The following RETREG2 variants were observed in gnomAD, a reference collection of about 807,000 sequenced individuals.
RETREG2 encodes reticulophagy regulator 2.
Under a neutral mutation model 51.6 loss-of-function variants are expected in RETREG2, and 21 were observed. The observed-to-expected ratio is 0.41, with a 90% CI of 0.29 to 0.59. RETREG2 has a LOEUF of 0.59. Ranked by LOEUF, RETREG2 falls within the 20% of genes least tolerant of loss-of-function variation. The pLI, the probability that RETREG2 is intolerant of heterozygous loss-of-function variation, is 0.34. For synonymous variants in RETREG2, 339 were observed against 288.6 expected (o/e 1.17, Z -1.77); for missense variants, 674 against 646.0 (o/e 1.04, Z -0.47).
Position 219,182,249 on chromosome 2 carries a change from C to T in RETREG2, c.1252C>T (p.Pro418Ser), listed in dbSNP as rs768409019. The T allele has an allele frequency of 2.5e-5, 40 of 1,614,030 alleles. No homozygotes were observed. The Middle Eastern group carries it at 1.6e-3, about 66-fold the overall frequency. ...CACGCACTTCAATGGGGCAGGGTCC[C>T]CCCCAGATGGAGTGAAATGCTCCCC... Reference protein sequence around the residue: ...VNTHFNGAGSPPDGVKCSPGG... With the variant: ...VNTHFNGAGSSPDGVKCSPGG... The change falls in exon 9 of 9, where the codon CCC becomes TCC. Residue 418 changes from proline (P) to serine (S), a missense_variant. By Grantham distance (74) the Pro-to-Ser change is moderately conservative. Coordinates refer to ENST00000430297, the MANE Select transcript of RETREG2 (RefSeq NM_024293.6).
At position 219,182,202 on chromosome 2, in the gene RETREG2, C is replaced by T; in HGVS notation, c.1205C>T (p.Ser402Leu). The T allele has an allele frequency of 6.2e-7, 1 of 1,614,168 alleles. No individual in the cohort carries two copies. The highest frequency in any genetic ancestry group is 8.5e-7 in the Non-Finnish European group (1 of 1,180,020). Residue 402 changes from serine (S) to leucine (L), a missense_variant, in exon 9 of 9, where the codon TCA becomes TTA. Physicochemically the swap from Ser to Leu is moderately radical, Grantham distance 145. Coordinates refer to ENST00000430297, the MANE Select transcript of RETREG2 (RefSeq NM_024293.6). Reference protein sequence around the residue: ...VAAKETLLRLSSPLHFVNTHF... With the variant: ...VAAKETLLRLLSPLHFVNTHF... ...GCTAAGGAAACCTTGTTGCGGCTCT[C>T]ATCCCCCCTCCACTTTGTGAACACG...
chr2:219,182,782 C>T lies in RETREG2; in HGVS notation c.*153C>T, dbSNP rs1231036245. The T allele has an allele frequency of 4.9e-6, 4 of 810,670 alleles. No individual in the cohort carries two copies. The highest frequency in any genetic ancestry group is 5.8e-6 in the Non-Finnish European group (3 of 519,104). The allele number at this position is 810,670 out of a possible 1,614,324, so 50.2% of individuals were successfully genotyped here. On this transcript the variant is annotated 3_prime_UTR_variant, in exon 9 of 9. Coordinates refer to ENST00000430297, the MANE Select transcript of RETREG2 (RefSeq NM_024293.6). ...ATTCCACCCTCTGCCTGCCTGCCTG[C>T]CTGCTGTCCTGGGCATGGTGCAGTA... is the stretch of plus-strand genomic sequence containing the variant.
In RETREG2 at chr2:219,183,282, C is replaced by G. The variant is rs943401843; in HGVS notation, c.*653C>G. On this transcript the variant is annotated 3_prime_UTR_variant, in exon 9 of 9. Transcript: ENST00000430297. The stretch of plus-strand genomic sequence containing the variant: ...CACTGCATCCTTGCCCCATTCAGCC[C>G]GGCCTTTCATGATGCAGGAGAGCAG... 6.5e-6 allele frequency: 1 copy of G among 153,112 alleles called. No individual in the cohort carries two copies. Among genetic ancestry groups the G allele is most frequent in the Non-Finnish European group, 1.5e-5 (1 of 68,552 alleles). 9.5% of individuals were successfully genotyped at this position (153,112 alleles called of 1,614,324 possible).
intron 3 of RETREG2, 127 bp downstream of exon 3, chr2:219,179,890 C>G (rs575376638): frequency 1.4e-5 from 18 of 1,245,652 alleles, no homozygotes; most frequent in Non-Finnish European, 2.0e-5. Context: ...ATGGGTTTTT[C>G]ATGGTCCTAG....
chr2:219,179,086 G>C, intron 2 of RETREG2, 58 bp downstream of exon 2: 1 of 1,307,556 alleles, frequency 7.6e-7, no homozygotes, highest in Non-Finnish European at 1.1e-6. Context: ...GCCTGATTCC[G>C]CTGGGTGGGG....
At chr2:219,181,013 C>G (rs776492668) in intron 5 of RETREG2, 49 bp from the exon 6 acceptor site, 29 of 1,606,602 alleles carry the variant, frequency 1.8e-5, no homozygotes, top group Non-Finnish European at 2.2e-5. Context: ...AATGGGGGCT[C>G]TTAGGAAATT....
chr2:219,182,140 A>C lies in RETREG2; in HGVS notation c.1143A>C (p.Gln381His), dbSNP rs749345072. 6.2e-7 allele frequency: 1 copy of C among 1,613,956 alleles called. No individual in the cohort carries two copies. Among genetic ancestry groups the C allele is most frequent in the East Asian group, 2.2e-5 (1 of 44,894 alleles). The change falls in exon 9 of 9, where the codon CAA (glutamine) becomes CAC (histidine). Residue 381 changes from glutamine to histidine, a missense_variant. Coordinates refer to ENST00000430297, the MANE Select transcript of RETREG2 (RefSeq NM_024293.6). ...GCCGTCCTCAAGCTCTGTCAAGGCA[A>C]GCCCTGGACTCGGAGGAAGAGGAAG... ...LLGRPQALSRQALDSEEEEED... is the reference protein window; with the variant it reads ...LLGRPQALSRHALDSEEEEED...
chr2:219,181,427 T>A lies in RETREG2; in HGVS notation c.843T>A (p.Ser281Arg), dbSNP rs777592352. The change falls in exon 7 of 9, where the codon AGT (serine) becomes AGA (arginine). Residue 281 changes from serine (S) to arginine (R), a missense_variant. Coordinates refer to ENST00000430297, the MANE Select transcript of RETREG2 (RefSeq NM_024293.6). ...GGDEPLAETE[S>R]ESEAELAGFS... Reference sequence around the variant, plus strand: ...ATGAGCCACTGGCAGAGACAGAGAGTGAAAGCGAGGCAGAGCTGGCTGGCT... The same window carrying A: ...ATGAGCCACTGGCAGAGACAGAGAGAGAAAGCGAGGCAGAGCTGGCTGGCT... The A allele has an allele frequency of 6.2e-7, 1 of 1,613,584 alleles. No individual in the cohort carries two copies.
At chr2:219,180,562 C>T (rs1950263576) in intron 4 of RETREG2, 108 bp from the exon 5 acceptor site, 15 of 1,579,876 alleles carry the variant, frequency 9.5e-6, no homozygotes, top group African/African-American at 1.3e-5. Context: ...CCACCCCATT[C>T]CTTGAGTACA....
chr2:219,181,114 G>T lies in RETREG2; in HGVS notation c.693G>T (p.Arg231Ser). Reference sequence around the variant, plus strand: ...TGGTTTATCATGAGCTGATCCAGAGGATGTACACTCGCCTGGAGCCCCTGC... The same window carrying T: ...TGGTTTATCATGAGCTGATCCAGAGTATGTACACTCGCCTGGAGCCCCTGC... ...PLVVYHELIQ[R>S]MYTRLEPLLM... The change falls in exon 6 of 9, where the codon AGG becomes AGT. Residue 231 changes from arginine to serine, a missense_variant. Coordinates refer to ENST00000430297, the MANE Select transcript of RETREG2 (RefSeq NM_024293.6). 1 of 1,614,172 alleles carries T rather than the reference G, an allele frequency of 6.2e-7. No individual in the cohort carries two copies. Among genetic ancestry groups the T allele is most frequent in the South Asian group, 1.1e-5 (1 of 91,082 alleles).
rs780347734 is a variant in RETREG2 at position 219,180,772 on chromosome 2, C to G, written c.640+18C>G. On this transcript the variant is annotated intron_variant, in intron 5 of 8. Coordinates refer to ENST00000430297, the MANE Select transcript of RETREG2 (RefSeq NM_024293.6). ...CATTGTCTGTGAGTAGGGTCTGTCC[C>G]TGCCCTATTTAAAGCCCTCTCCTTT... The G allele has an allele frequency of 6.2e-7, 1 of 1,613,526 alleles. No homozygotes were observed. The highest frequency in any genetic ancestry group is 1.1e-5 in the South Asian group (1 of 91,062).
Position 219,181,998 on chromosome 2 carries a change from T to C in RETREG2, c.1016-15T>C, listed in dbSNP as rs766034012. On this transcript the variant is annotated splice_polypyrimidine_tract_variant and intron_variant, in intron 8 of 8. Coordinates refer to ENST00000430297, the MANE Select transcript of RETREG2 (RefSeq NM_024293.6). Reference sequence around the variant, plus strand: ...CAGCAGCAGGCCCATTCTTAATTCTTTGTTCTCTGCACAGATTTGGACCAG... The same window carrying C: ...CAGCAGCAGGCCCATTCTTAATTCTCTGTTCTCTGCACAGATTTGGACCAG... 5 of 1,609,754 alleles carry C rather than the reference T, an allele frequency of 3.1e-6. No homozygotes were observed. The South Asian group carries it at 5.5e-5, about 18-fold the overall frequency.
intron 3 of RETREG2, 152 bp downstream of exon 3, chr2:219,179,915 G>GT: frequency 2.6e-6 from 3 of 1,138,430 alleles, no homozygotes; most frequent in Non-Finnish European, 3.9e-6. Context: ...CTGTGTAGGT[G>GT]TTTGCGTGCC....
rs771372695 is a variant in RETREG2, at chr2:219,180,251, C to T, written c.555+6C>T. 2 of 1,614,040 alleles carry T rather than the reference C, an allele frequency of 1.2e-6. No homozygotes were observed. The highest frequency in any genetic ancestry group is 1.3e-5 in the African/African-American group (1 of 74,912). On this transcript the variant is annotated splice_donor_region_variant and intron_variant, in intron 4 of 8. Transcript: ENST00000430297. ...AGAGGCAGAATCCAGCTCAGGTAAC[C>T]TCCCCTACATCATACAACAGTTCAC...
chr2:219,179,403 C>T (rs1264989772), intron 2 of RETREG2, among the ~76,000 whole-genome samples: 3 of 152,226 alleles, frequency 2.0e-5, no homozygotes, highest in Admixed American at 1.3e-4. Flanking sequence ...TGAGTTAATA[C>T]ACATGCTATA....
chr2:219,181,346 C>T (rs747944446), intron 6 of RETREG2, 23 bp from the exon 7 acceptor site: 4 of 1,612,048 alleles, frequency 2.5e-6, no homozygotes, highest in Non-Finnish European at 3.4e-6. Flanking sequence ...TTGGTCATTG[C>T]TCTACTACTC....
Position 219,181,181 on chromosome 2 carries a change from C to T in RETREG2, c.760C>T (p.Leu254=), listed in dbSNP as rs754225621. The change falls in exon 6 of 9, where the codon CTG becomes TTG. Residue 254 remains leucine (L), a synonymous_variant. Coordinates refer to ENST00000430297, the MANE Select transcript of RETREG2 (RefSeq NM_024293.6). ...CAGCATGAAGGCAGAAGCCAATGCC[C>T]TGCATCACAAACACGACAAGAGGAG... ...DYSMKAEANA[L]HHKHDKRKRQ... The T allele has an allele frequency of 2.1e-5, 34 of 1,614,032 alleles. No homozygotes were observed. The highest frequency in any genetic ancestry group is 2.9e-5 in the Non-Finnish European group (34 of 1,180,046).
chr2:219,181,531 G>A (rs1441214523), intron 7 of RETREG2, 68 bp downstream of exon 7: 5 of 1,595,502 alleles, frequency 3.1e-6, no homozygotes, highest in African/African-American at 1.3e-5. Context: ...CTTTGGAGCT[G>A]CCACCTCCAA....
Position 219,184,117 on chromosome 2 carries a change from C to T in RETREG2, c.*1488C>T, listed in dbSNP as rs984001543. On this transcript the variant is annotated 3_prime_UTR_variant, in exon 9 of 9. Coordinates refer to ENST00000430297, the MANE Select transcript of RETREG2 (RefSeq NM_024293.6). ...TCCCAGTAAATTGTGGAGCCAGAAC[C>T]CAAACCCAAGAAGTTTTGGCTTCAG... 1 of 152,180 alleles carries T rather than the reference C, an allele frequency of 6.6e-6. No homozygotes were observed. Among genetic ancestry groups the T allele is most frequent in the Non-Finnish European group, 1.5e-5 (1 of 68,046 alleles). The allele number at this position is 152,180 out of a possible 1,614,324, so 9.4% of individuals were successfully genotyped here.
Sources: gnomAD v4.1 joint callset for allele counts (sites outside exome capture counted in the v4.1 genomes callset) on GRCh38, gnomAD v4.1.1 for gene constraint, MANE v1.5 for transcripts, NCBI Gene and HGNC (gene_info 2026-07-23, HGNC 2026-07-21) for gene names.